Variants in DYDC2 observed in about 807,000 individuals in gnomAD.
The protein encoded by DYDC2 is DPY30 domain containing 2.
A neutral mutation model predicts 18.7 loss-of-function variants in DYDC2; 19 were observed. The observed-to-expected ratio is 1.02, with a 90% CI of 0.71 to 1.49. The LOEUF is 1.49. Among genes scored for constraint, DYDC2 ranks in the 40% most tolerant of loss-of-function variants. DYDC2 has a pLI of 0.00. For synonymous variants in DYDC2, 63 were observed against 67.6 expected, an observed-to-expected ratio of 0.93 and a Z score of 0.34; for missense variants, 179 against 205.1, an observed-to-expected ratio of 0.87 and a Z score of 0.78.
chr10:80,364,077 A>G (rs928471163), intron 4 of DYDC2, among the ~76,000 whole-genome samples: 2 of 152,214 alleles, frequency 1.3e-5, no homozygotes, highest in Non-Finnish European at 1.5e-5. Flanking sequence ...CTTTTTAGCT[A>G]TGACTATACT....
intron 4 of DYDC2, 108 bp downstream of exon 4, chr10:80,363,181 T>A (rs1298837646): frequency 8.6e-7 from 1 of 1,164,682 alleles, no homozygotes; most frequent in African/African-American, 1.6e-5. Context: ...AGGGTCCCTT[T>A]AGCTTGATTT....
upstream of DYDC2, among the ~76,000 whole-genome samples, chr10:80,354,896 A>G (rs891871483): frequency 5.3e-5 from 8 of 152,210 alleles, no homozygotes; most frequent in African/African-American, 1.9e-4. Context: ...TTGCTACAGC[A>G]GCGCAAACTA....
rs117270071 is a variant in DYDC2, at chr10:80,358,609, G to A, written c.-10+564G>A. ...CCCCCTGACTAGAGAATGCAGAGTT[G>A]GTGATTCTGCCTTCGGGGAAGGACA... is the stretch of plus-strand genomic sequence containing the variant. On this transcript the variant is annotated intron_variant, in intron 2 of 4. Transcript: ENST00000256039. Among the ~76,000 whole-genome samples, 25 of 152,306 alleles carry A rather than the reference G, an allele frequency of 1.6e-4. No homozygotes were observed. In the East Asian group the frequency reaches 4.6e-3, roughly 28 times the overall value.
rs1843866478 is a variant in DYDC2 at position 80,367,304 on chromosome 10, C to A, written c.*353C>A. The A allele has an allele frequency of 5.6e-6, 1 of 177,094 alleles. No homozygotes were observed. Among genetic ancestry groups the A allele is most frequent in the South Asian group, 1.5e-4 (1 of 6,762 alleles). The allele number at this position is 177,094 out of a possible 1,614,324, so 11.0% of individuals were successfully genotyped here. A position where few individuals can be genotyped will look rare whatever the true frequency, so the allele number is the denominator to read the frequency against. ...GTCAAAGGAAAGAGAAAAGACAAGT[C>A]AAGAGAGAAAGTGGGACCAGGGGGC... On this transcript the variant is annotated 3_prime_UTR_variant, in exon 5 of 5. Coordinates refer to ENST00000256039, the MANE Select transcript of DYDC2 (RefSeq NM_032372.6).
chr10:80,361,947 T>A (rs947754373), intron 2 of DYDC2, among the ~76,000 whole-genome samples: 2 of 152,246 alleles, frequency 1.3e-5, no homozygotes, highest in African/African-American at 2.4e-5. Flanking sequence ...AAGGTTTATA[T>A]GCTTAGCGTG....
intron 4 of DYDC2, 91 bp downstream of exon 4, chr10:80,363,164 C>G: frequency 7.3e-7 from 1 of 1,372,002 alleles, no homozygotes; most frequent in Non-Finnish European, 9.8e-7. Context: ...CAATCCAAGG[C>G]ACATTAAGGG....
upstream of DYDC2, chr10:80,356,400 G>A (rs962996948): frequency 2.6e-5 from 26 of 985,632 alleles, no homozygotes; most frequent in African/African-American, 4.5e-4. Context: ...CTGGGCGGGG[G>A]CACCCGGGCA....
Position 80,367,109 on chromosome 10 carries a change from A to G in DYDC2, c.*158A>G. ...AACCCTTAATCATGTGAACATTTGA[A>G]CTAGTTATAGGATAAAATAAACTCA... On this transcript the variant is annotated 3_prime_UTR_variant, in exon 5 of 5. Transcript: ENST00000256039. 2 of 837,602 alleles carry G rather than the reference A, an allele frequency of 2.4e-6. No homozygotes were observed. The highest frequency in any genetic ancestry group is 1.8e-6 in the Non-Finnish European group (1 of 549,128). The allele number at this position is 837,602 out of a possible 1,614,324, so 51.9% of individuals were successfully genotyped here. A position where few individuals can be genotyped will look rare whatever the true frequency, so the allele number is the denominator to read the frequency against.
At chr10:80,358,323 A>T (rs1017992420) in intron 2 of DYDC2, among the ~76,000 whole-genome samples, 3 of 152,158 alleles carry the variant, frequency 2.0e-5, no homozygotes, top group Admixed American at 2.0e-4. Flanking sequence ...GATTGCAGTA[A>T]GACGAGATTG....
chr10:80,358,555 C>T (rs1454145930), intron 2 of DYDC2, among the ~76,000 whole-genome samples: 1 of 152,188 alleles, frequency 6.6e-6, no homozygotes, highest in Non-Finnish European at 1.5e-5. Context: ...GCCAATACGG[C>T]TTGCCACATG....
chr10:80,356,674 A>G, upstream of DYDC2: 1 of 984,640 alleles, frequency 1.0e-6, no homozygotes, highest in Non-Finnish European at 1.2e-6. Flanking sequence ...TAGGGGAACA[A>G]ATCCCAAAAA....
chr10:80,348,258 T>G lies in DYDC2; in HGVS notation c.-310+3443T>G, dbSNP rs529455141. On this transcript the variant is annotated intron_variant, in intron 1 of 4. Transcript: ENST00000372197. Reference sequence around the variant, plus strand: ...TTTCTTGGTTTCTTTTTCGAGTAAGTTATTGGTAAACAGGATTTAAATTTT... The same window carrying G: ...TTTCTTGGTTTCTTTTTCGAGTAAGGTATTGGTAAACAGGATTTAAATTTT... Among the ~76,000 whole-genome samples the G allele has an allele frequency of 5.9e-5, 9 of 152,346 alleles. 1 individual carries two copies. Among genetic ancestry groups the G allele is most frequent in the African/African-American group, 1.9e-4 (8 of 41,584 alleles).
rs746058165 is a variant in DYDC2 at position 80,362,458 on chromosome 10, C to G, written c.15C>G (p.Tyr5Ter). Residue 5 changes from tyrosine (Y) to a stop codon, truncating the protein, a stop_gained, in exon 3 of 5, where the codon TAC (tyrosine) becomes TAG (stop). Transcript: ENST00000256039. LOFTEE classifies it high-confidence loss of function. METN[Y>*]LKRCFGNCLA... is the part of the protein sequence containing the mutation. ...AGGCTGCCAGGATGGAAACTAACTA[C>G]CTGAAGAGGTGCTTTGGAAATTGCC... 1.9e-6 allele frequency: 3 copies of G among 1,613,332 alleles called. No individual in the cohort carries two copies. Among genetic ancestry groups the G allele is most frequent in the Middle Eastern group, 3.4e-4 (2 of 5,884 alleles).
upstream of DYDC2, among the ~76,000 whole-genome samples, chr10:80,355,765 TG>T (rs1215670211): frequency 6.6e-6 from 1 of 152,158 alleles, no homozygotes; most frequent in East Asian, 1.9e-4. Context: ...TGTGTATGTG[TG>T]TATATGTAAA....
chr10:80,353,570 G>A (rs1025075937), upstream of DYDC2, among the ~76,000 whole-genome samples: 9 of 151,426 alleles, frequency 5.9e-5, no homozygotes, highest in Non-Finnish European at 1.0e-4. Flanking sequence ...TTAAGAAATC[G>A]GCTGGGCACA....
chr10:80,360,444 CT>C (rs1346021398), intron 2 of DYDC2, among the ~76,000 whole-genome samples: 1 of 152,176 alleles, frequency 6.6e-6, no homozygotes, highest in African/African-American at 2.4e-5. Context: ...ATAGTGACAC[CT>C]GTGATTACAT....
intron 3 of DYDC2, 131 bp downstream of exon 3, chr10:80,362,721 A>G (rs2050103083): frequency 7.0e-7 from 1 of 1,425,154 alleles, no homozygotes; most frequent in South Asian, 1.5e-5. Flanking sequence ...TTAGAGCCAG[A>G]TATCCCTGAA....
intron 4 of DYDC2, among the ~76,000 whole-genome samples, chr10:80,363,352 T>TG (rs1843723945): frequency 7.3e-6 from 1 of 136,772 alleles, no homozygotes; most frequent in Non-Finnish European, 1.6e-5. Flanking sequence ...TTTTTTTTTT[T>TG]TTTTTTTTTT....
At chr10:80,358,141 G>T (rs1843500001) in intron 2 of DYDC2, 96 bp downstream of exon 2, 1 of 825,884 alleles carries the variant, frequency 1.2e-6, no homozygotes, top group Non-Finnish European at 1.5e-6. Context: ...ACTTTGGGAG[G>T]CGGAGGTGGG....
Sources: gnomAD v4.1 joint callset for allele counts (sites outside exome capture counted in the v4.1 genomes callset) on GRCh38, gnomAD v4.1.1 for gene constraint, MANE v1.5 for transcripts, NCBI Gene and HGNC (gene_info 2026-07-23, HGNC 2026-07-21) for gene names.